NRXN1: variants seen among roughly 807,000 people sequenced by gnomAD.
The protein encoded by NRXN1 is neurexin 1.
A neutral mutation model predicts 150.9 loss-of-function variants in NRXN1; 39 were observed. The ratio of observed to expected loss-of-function variants is 0.26; its 90% confidence interval spans 0.20 to 0.34. NRXN1 has a LOEUF of 0.34. NRXN1 is among the 10% of genes least tolerant of loss of function. NRXN1 has a pLI of 1.00. For synonymous variants in NRXN1, 924 were observed against 757.0 expected (o/e 1.22, Z -3.62); for missense variants, 1,815 against 1,949.9 (o/e 0.93, Z 1.30).
chr2:49,994,297 T>C (rs935418678), intron 21 of NRXN1, among the ~76,000 whole-genome samples: 11 of 152,134 alleles, frequency 7.2e-5, no homozygotes, highest in Non-Finnish European at 1.5e-4. Context: ...CAGGCAGAAA[T>C]AGGTGTAGAA....
chr2:50,113,573 C>T (rs1357853067), intron 18 of NRXN1, among the ~76,000 whole-genome samples: 4 of 152,164 alleles, frequency 2.6e-5, no homozygotes, highest in Admixed American at 6.5e-5. Flanking sequence ...GACATCTGTT[C>T]CATAATCTAA....
intron 21 of NRXN1, among the ~76,000 whole-genome samples, chr2:49,961,458 T>A (rs1188204867): frequency 2.0e-5 from 3 of 151,962 alleles, no homozygotes; most frequent in South Asian, 4.1e-4. Context: ...CTTACAGCAA[T>A]GCTGGAATTA....
chr2:50,315,742 C>A (rs1393453633), intron 17 of NRXN1, among the ~76,000 whole-genome samples: 1 of 152,058 alleles, frequency 6.6e-6, no homozygotes, highest in East Asian at 1.9e-4. Context: ...TTAAAAGGCA[C>A]ATTATCAAAA....
chr2:50,749,228 T>C (rs1019986843), intron 5 of NRXN1, among the ~76,000 whole-genome samples: 9 of 152,250 alleles, frequency 5.9e-5, no homozygotes, highest in Admixed American at 5.9e-4. Flanking sequence ...ACTGCTATAA[T>C]TGTCTAAAGA....
At position 50,289,242 on chromosome 2, in the gene NRXN1, C is replaced by T. The variant is rs1167134985; in HGVS notation, c.3365-52272G>A. ...TTAATATTAAAAAGACAAGAACTAG[C>T]CATCAAATAAGTTGAAATTTTACAC... On this transcript the variant is annotated intron_variant, in intron 17 of 22. Coordinates refer to ENST00000401669, the MANE Select transcript of NRXN1 (RefSeq NM_001330078.2). 2.0e-5 allele frequency among the ~76,000 whole-genome samples: 3 copies of T among 152,050 alleles called. No individual in the cohort carries two copies. The South Asian group carries it at 6.2e-4, about 32-fold the overall frequency.
chr2:50,705,096 G>A (rs113687161), intron 5 of NRXN1, among the ~76,000 whole-genome samples: 4 of 150,194 alleles, frequency 2.7e-5, no homozygotes, highest in East Asian at 2.0e-4. Flanking sequence ...AGGAACTGCC[G>A]ATTTCTAGCA....
rs1678849153 is a variant in NRXN1, at chr2:50,877,903, A to G, written c.832+43966T>C. ...CAACTCTTCTGAGATGGAGCCATAT[A>G]GGCATTCCATAAATGTTAACTGATT... On this transcript the variant is annotated intron_variant, in intron 5 of 22. Transcript: ENST00000401669. Among the ~76,000 whole-genome samples, 3 of 151,982 alleles carry G rather than the reference A, an allele frequency of 2.0e-5. No individual in the cohort carries two copies. The South Asian group carries it at 6.2e-4, about 31-fold the overall frequency.
intron 5 of NRXN1, among the ~76,000 whole-genome samples, chr2:50,750,357 A>C (rs529692083): frequency 3.0e-4 from 46 of 151,894 alleles, no homozygotes; most frequent in African/African-American, 8.7e-4. Flanking sequence ...AAAATTAAAA[A>C]ATGTCACAGA....
intron 17 of NRXN1, among the ~76,000 whole-genome samples, chr2:50,252,745 T>C (rs1201552539): frequency 3.9e-5 from 6 of 152,152 alleles, no homozygotes; most frequent in Admixed American, 2.0e-4. Flanking sequence ...TGCAGTCTTA[T>C]TTCTGAGATC....
intron 22 of NRXN1, among the ~76,000 whole-genome samples, chr2:49,930,275 T>C (rs984739186): frequency 2.0e-5 from 3 of 152,122 alleles, no homozygotes; most frequent in Non-Finnish European, 2.9e-5. Flanking sequence ...TAAATAACAA[T>C]TTTATGTGGC....
chr2:50,864,990 T>G (rs1354172162), intron 5 of NRXN1, among the ~76,000 whole-genome samples: 1 of 151,818 alleles, frequency 6.6e-6, no homozygotes. Flanking sequence ...AGGATTTCAG[T>G]TTCAAAGTCT....
At chr2:50,590,457 C>T (rs10185487) in intron 8 of NRXN1, among the ~76,000 whole-genome samples, 114,245 of 151,586 alleles carry the variant, frequency 0.75, 43,295 homozygotes, top group South Asian at 0.87. Context: ...ACCTTAATAC[C>T]TTTATATACC....
intron 15 of NRXN1, among the ~76,000 whole-genome samples, chr2:50,488,858 T>C (rs934381044): frequency 6.6e-6 from 1 of 152,170 alleles, no homozygotes; most frequent in Non-Finnish European, 1.5e-5. Context: ...AAGCTCGAAT[T>C]CTAAGAAGAC....
intron 2 of NRXN1, among the ~76,000 whole-genome samples, chr2:51,001,093 G>A (rs541074800): frequency 2.6e-5 from 4 of 151,920 alleles, no homozygotes; most frequent in Non-Finnish European, 4.4e-5. Flanking sequence ...TTTGGTGAAT[G>A]AATAGATTTT....
chr2:50,914,405 A>T (rs1050415719), intron 5 of NRXN1, among the ~76,000 whole-genome samples: 1 of 151,762 alleles, frequency 6.6e-6, no homozygotes, highest in Non-Finnish European at 1.5e-5. Flanking sequence ...CGTCGCAATG[A>T]ATCATGCTAT....
chr2:50,350,136 G>A (rs1372273533), intron 17 of NRXN1, among the ~76,000 whole-genome samples: 2 of 152,092 alleles, frequency 1.3e-5, no homozygotes, highest in Admixed American at 1.3e-4. Context: ...TTTCATCACT[G>A]AATCAATCCA....
chr2:50,930,842 C>T (rs755834886), intron 2 of NRXN1, among the ~76,000 whole-genome samples: 5 of 152,262 alleles, frequency 3.3e-5, no homozygotes, highest in East Asian at 1.9e-4. Flanking sequence ...ACCCTCCCAA[C>T]CAAGCTTAAT....
At chr2:50,988,251 T>C (rs1698015412) in intron 2 of NRXN1, among the ~76,000 whole-genome samples, 1 of 151,932 alleles carries the variant, frequency 6.6e-6, no homozygotes, top group Admixed American at 6.6e-5. Context: ...ACCAGATCAT[T>C]TTCTTTTTAA....
intron 9 of NRXN1, among the ~76,000 whole-genome samples, chr2:50,551,071 AGAAGAGGAG>A (rs1389258992): frequency 4.6e-5 from 6 of 130,940 alleles, no homozygotes; most frequent in African/African-American, 1.2e-4. Context: ...AAGAAGAAGA[AGAAGAGGAG>A]GAGGAGGAGG....
Sources: gnomAD v4.1 joint callset for allele counts (sites outside exome capture counted in the v4.1 genomes callset) on GRCh38, gnomAD v4.1.1 for gene constraint, MANE v1.5 for transcripts, NCBI Gene and HGNC (gene_info 2026-07-23, HGNC 2026-07-21) for gene names.